DLG2: variants seen among roughly 807,000 people sequenced by gnomAD.
DLG2 encodes disks large homolog 2.
A neutral mutation model predicts 132.5 loss-of-function variants in DLG2; 45 were observed. The ratio of observed to expected loss-of-function variants is 0.34; its 90% CI spans 0.27 to 0.44. DLG2 has a LOEUF of 0.44. Ranked by LOEUF, DLG2 falls within the 20% of genes least tolerant of loss-of-function variation. The probability of loss-of-function intolerance (pLI) is 1.00; values close to 1 mark genes in which losing one functional copy is unlikely to be tolerated. For synonymous variants in DLG2, 424 were observed against 419.6 expected, an observed-to-expected ratio of 1.01 and a Z score of -0.13; for missense variants, 1,045 against 1,196.9, an observed-to-expected ratio of 0.87 and a Z score of 1.87.
chr11:85,464,462 G>C (rs748873551), intron 3 of DLG2, among the ~76,000 whole-genome samples: 8 of 152,122 alleles, frequency 5.3e-5, no homozygotes, highest in Non-Finnish European at 1.0e-4. Flanking sequence ...TATGGAAAAT[G>C]TTCCCTGTGA....
In DLG2 at chr11:85,484,932, G is replaced by C. The variant is rs560852269; in HGVS notation, c.40+113725C>G. Among the ~76,000 whole-genome samples the C allele has an allele frequency of 2.0e-5, 3 of 152,236 alleles. No individual in the cohort carries two copies. In the East Asian group the frequency reaches 5.8e-4, roughly 29 times the overall value. The stretch of plus-strand genomic sequence containing the variant: ...GTTTATTGTGGCACTATTCACAATA[G>C]CAAAGACTTGGAACCAACCCAAATG... On this transcript the variant is annotated intron_variant, in intron 3 of 27. Coordinates refer to ENST00000376104, the MANE Select transcript of DLG2 (RefSeq NM_001142699.3).
intron 6 of DLG2, among the ~76,000 whole-genome samples, chr11:84,911,837 TC>T (rs2092087096): frequency 6.6e-6 from 1 of 152,206 alleles, no homozygotes; most frequent in Non-Finnish European, 1.5e-5. Context: ...GTGATTGCTT[TC>T]CCAAGCAATT....
intron 3 of DLG2, among the ~76,000 whole-genome samples, chr11:85,507,955 T>G (rs1201649331): frequency 6.6e-6 from 1 of 152,162 alleles, no homozygotes; most frequent in Admixed American, 6.6e-5. Context: ...TTTGATTCAT[T>G]TGATCTTCAA....
intron 18 of DLG2, among the ~76,000 whole-genome samples, chr11:83,698,903 G>C (rs977434232): frequency 1.3e-5 from 2 of 152,178 alleles, no homozygotes; most frequent in Admixed American, 6.5e-5. Context: ...GCAGAGGGCT[G>C]CTAAATGACA....
chr11:85,464,963 A>ACTTGGGAG (rs1447864074), intron 3 of DLG2, among the ~76,000 whole-genome samples: 1 of 151,026 alleles, frequency 6.6e-6, no homozygotes, highest in Non-Finnish European at 1.5e-5. Flanking sequence ...AATCCCAGCT[A>ACTTGGGAG]CTTGGGAGGC....
intron 3 of DLG2, among the ~76,000 whole-genome samples, chr11:85,576,071 A>C (rs2078139484): frequency 1.3e-5 from 2 of 152,230 alleles, no homozygotes; most frequent in Admixed American, 6.6e-5. Context: ...TCTAAAAGAA[A>C]ATGTTCAAAT....
chr11:84,268,460 CTTT>C (rs145806678), intron 7 of DLG2, among the ~76,000 whole-genome samples: 3,158 of 119,206 alleles, frequency 0.026, 34 homozygotes, highest in Middle Eastern at 0.066. Context: ...TACTTCACCT[CTTT>C]TTTTTTTTTT....
At chr11:83,622,534 A>G (rs1408129715) in intron 19 of DLG2, among the ~76,000 whole-genome samples, 1 of 152,220 alleles carries the variant, frequency 6.6e-6, no homozygotes, top group East Asian at 1.9e-4. Flanking sequence ...TTTTTGATGT[A>G]GGCATTTAGT....
intron 9 of DLG2, among the ~76,000 whole-genome samples, chr11:84,123,495 T>C (rs78852588): frequency 0.019 from 2,866 of 152,302 alleles, 72 homozygotes; most frequent in African/African-American, 0.064. Flanking sequence ...TAAGGCCTCA[T>C]TGGCAGATGA....
intron 7 of DLG2, among the ~76,000 whole-genome samples, chr11:84,523,896 A>G (rs1475923532): frequency 6.6e-6 from 1 of 152,174 alleles, no homozygotes; most frequent in East Asian, 1.9e-4. Flanking sequence ...ATTTCTTAGA[A>G]AAAATTCATC....
At chr11:85,011,442 T>G (rs1460523252) in intron 6 of DLG2, among the ~76,000 whole-genome samples, 2 of 152,142 alleles carry the variant, frequency 1.3e-5, no homozygotes, top group African/African-American at 4.8e-5. Flanking sequence ...GAAACAATCT[T>G]CCAAAACTGA....
At chr11:84,610,815 T>C (rs1298917457) in intron 6 of DLG2, among the ~76,000 whole-genome samples, 1 of 152,128 alleles carries the variant, frequency 6.6e-6, no homozygotes, top group Non-Finnish European at 1.5e-5. Flanking sequence ...ATCCCAGTCA[T>C]ACATAGCCAC....
chr11:85,452,353 C>T (rs2092277373), intron 3 of DLG2: 1 of 152,852 alleles, frequency 6.5e-6, no homozygotes, highest in Non-Finnish European at 1.5e-5. Flanking sequence ...CCTTCCATAT[C>T]CTCACTGGCA....
intron 7 of DLG2, among the ~76,000 whole-genome samples, chr11:84,342,694 C>A (rs1183246078): frequency 6.6e-6 from 1 of 152,142 alleles, no homozygotes; most frequent in African/African-American, 2.4e-5. Context: ...CTTATTATAA[C>A]TACTTTTTCA....
chr11:83,637,156 G>A (rs1300678121), intron 18 of DLG2, among the ~76,000 whole-genome samples: 1 of 152,138 alleles, frequency 6.6e-6, no homozygotes, highest in Non-Finnish European at 1.5e-5. Flanking sequence ...TTTTATAGAA[G>A]TCCTGAAATT....
intron 19 of DLG2, among the ~76,000 whole-genome samples, chr11:83,559,181 C>T (rs573643948): frequency 1.3e-5 from 2 of 152,118 alleles, no homozygotes; most frequent in East Asian, 3.9e-4. Context: ...ACAAAGGCAT[C>T]GACTTACAAA....
At chr11:83,497,259 C>A (rs558646576) in intron 21 of DLG2, among the ~76,000 whole-genome samples, 1 of 152,118 alleles carries the variant, frequency 6.6e-6, no homozygotes, top group South Asian at 2.1e-4. Flanking sequence ...AAGAACCATA[C>A]CGGCTGGGCG....
At chr11:83,982,414 G>C (rs934359339) in intron 11 of DLG2, among the ~76,000 whole-genome samples, 1 of 148,074 alleles carries the variant, frequency 6.8e-6, no homozygotes, top group Non-Finnish European at 1.5e-5. Flanking sequence ...TGATGATCCT[G>C]ACCCTGGGTA....
intron 6 of DLG2, among the ~76,000 whole-genome samples, chr11:85,028,449 C>T (rs187048313): frequency 2.0e-3 from 300 of 152,242 alleles, no homozygotes; most frequent in Non-Finnish European, 3.4e-3. Flanking sequence ...TGCCCAGGAG[C>T]CTGTCTGCTT....
Sources: gnomAD v4.1 joint callset for allele counts (sites outside exome capture counted in the v4.1 genomes callset) on GRCh38, gnomAD v4.1.1 for gene constraint, MANE v1.5 for transcripts, NCBI Gene and HGNC (gene_info 2026-07-23, HGNC 2026-07-21) for gene names.